Variants in JCAD observed in about 807,000 individuals in gnomAD.
JCAD encodes the protein junctional cadherin 5-associated protein.
A neutral mutation model predicts 98.0 loss-of-function variants in JCAD; 40 were observed. The ratio of observed to expected loss-of-function variants is 0.41; its 90% CI spans 0.32 to 0.53. JCAD has a LOEUF of 0.53. Ranked by LOEUF, JCAD falls within the 20% of genes least tolerant of loss-of-function variation. JCAD has a pLI of 0.31. For synonymous variants in JCAD, 691 were observed against 682.3 expected, an observed-to-expected ratio of 1.01 and a Z score of -0.20; for missense variants, 1,705 against 1,738.1, an observed-to-expected ratio of 0.98 and a Z score of 0.34.
intron 2 of JCAD, among the ~76,000 whole-genome samples, chr10:30,065,542 T>C (rs1328880730): frequency 6.6e-6 from 1 of 152,120 alleles, no homozygotes; most frequent in Non-Finnish European, 1.5e-5. Flanking sequence ...CACTCTGTCA[T>C]TGAGGCTGGA....
chr10:30,074,641 T>A (rs545228004), intron 1 of JCAD, among the ~76,000 whole-genome samples: 1 of 152,340 alleles, frequency 6.6e-6, no homozygotes, highest in South Asian at 2.1e-4. Context: ...AAAAAGGGTC[T>A]GGAAGACGTG....
intron 2 of JCAD, among the ~76,000 whole-genome samples, chr10:30,030,889 G>A (rs1210276379): frequency 2.6e-5 from 4 of 150,954 alleles, no homozygotes; most frequent in African/African-American, 9.8e-5. Context: ...ATCTTAAGAC[G>A]TGTGGGTGGT....
At chr10:30,092,839 C>T (rs1838307426) in intron 1 of JCAD, among the ~76,000 whole-genome samples, 2 of 152,104 alleles carry the variant, frequency 1.3e-5, no homozygotes, top group Admixed American at 6.5e-5. Context: ...GAAGGAACCT[C>T]GCTTACTGCT....
At position 30,027,933 on chromosome 10, in the gene JCAD, C is replaced by T. The variant is rs1305401906; in HGVS notation, c.2215G>A (p.Gly739Ser). The change falls in exon 3 of 4, where the codon GGT becomes AGT. Residue 739 changes from glycine to serine, a missense_variant. Coordinates refer to ENST00000375377, the MANE Select transcript of JCAD (RefSeq NM_020848.4). ...EAQTHTAFPT[G>S]DHKQRPSARN... ...GCACTTGGCCTCTGTTTGTGATCAC[C>T]GGTAGGGAATGCTGTGTGCGTCTGA... is the stretch of plus-strand genomic sequence containing the variant. 2.5e-6 allele frequency: 4 copies of T among 1,614,206 alleles called. No individual in the cohort carries two copies. Among genetic ancestry groups the T allele is most frequent in the South Asian group, 2.2e-5 (2 of 91,086 alleles).
intron 2 of JCAD, among the ~76,000 whole-genome samples, chr10:30,067,633 C>G (rs1207531636): frequency 6.6e-6 from 1 of 152,136 alleles, no homozygotes; most frequent in Non-Finnish European, 1.5e-5. Flanking sequence ...TGGCCAAGAA[C>G]TATCTTTGTT....
intron 1 of JCAD, among the ~76,000 whole-genome samples, chr10:30,105,507 A>G (rs758920438): frequency 2.0e-5 from 3 of 151,964 alleles, no homozygotes; most frequent in African/African-American, 4.8e-5. Context: ...TATTTTTAGT[A>G]GAGACACGGT....
At chr10:30,089,351 G>A (rs1435047790) in intron 1 of JCAD, among the ~76,000 whole-genome samples, 2 of 152,176 alleles carry the variant, frequency 1.3e-5, no homozygotes, top group Admixed American at 6.5e-5. Flanking sequence ...CAGAGGCTCG[G>A]AGAAGAGCAT....
At chr10:30,025,888 C>A (rs1341899093) in intron 3 of JCAD, 10 of 615,482 alleles carry the variant, frequency 1.6e-5, no homozygotes, top group South Asian at 8.0e-5. Flanking sequence ...GAGATACTAT[C>A]TCAAAAAAAT....
At chr10:30,068,214 C>A (rs1017463530) in intron 2 of JCAD, among the ~76,000 whole-genome samples, 3 of 151,908 alleles carry the variant, frequency 2.0e-5, no homozygotes, top group Non-Finnish European at 2.9e-5. Context: ...CATGGCAAAA[C>A]CCCATGTCTA....
chr10:30,097,049 A>G (rs1324985173), intron 1 of JCAD, among the ~76,000 whole-genome samples: 1 of 152,202 alleles, frequency 6.6e-6, no homozygotes, highest in Non-Finnish European at 1.5e-5. Flanking sequence ...GCTCAACAGC[A>G]TCAATGACAA....
chr10:30,054,958 C>T (rs1260984112), intron 1 of JCAD, among the ~76,000 whole-genome samples: 3 of 152,106 alleles, frequency 2.0e-5, no homozygotes, highest in Non-Finnish European at 2.9e-5. Context: ...CGTGAGCCAC[C>T]GCGCCCGGCC....
chr10:30,026,339 C>G lies in JCAD; in HGVS notation c.3809G>C (p.Arg1270Pro), dbSNP rs373376609. 3.1e-6 allele frequency: 5 copies of G among 1,614,128 alleles called. No homozygotes were observed. Among genetic ancestry groups the G allele is most frequent in the Non-Finnish European group, 4.2e-6 (5 of 1,180,028 alleles). ...MRMKEVSSVSRMRVLSFRNAD... is the reference protein window; with the variant it reads ...MRMKEVSSVSPMRVLSFRNAD... ...ATTCCTGAAGCTCAGGACTCTCATC[C>G]GTGACACTGAGCTCACCTCTTTCAT... The change falls in exon 3 of 4, where the codon CGG (arginine) becomes CCG (proline). Residue 1270 changes from arginine to proline, a missense_variant. Around this residue, in one of 3 missense-constraint regions of JCAD, gnomAD observed 1,278 missense variants for 1,243.1 expected, o/e 1.03. Coordinates refer to ENST00000375377, the MANE Select transcript of JCAD (RefSeq NM_020848.4).
intron 3 of JCAD, among the ~76,000 whole-genome samples, chr10:30,019,642 A>G (rs1824549909): frequency 1.3e-5 from 2 of 152,092 alleles, no homozygotes; most frequent in African/African-American, 4.8e-5. Flanking sequence ...AATACTGGCC[A>G]AAGGGTACAA....
intron 1 of JCAD, among the ~76,000 whole-genome samples, chr10:30,050,763 C>T (rs907259774): frequency 7.9e-5 from 12 of 152,196 alleles, no homozygotes; most frequent in African/African-American, 2.9e-4. Flanking sequence ...CTTCCCTCCC[C>T]ACCAGCCCAA....
Position 30,029,016 on chromosome 10 carries a change from C to T in JCAD, c.1132G>A (p.Glu378Lys), listed in dbSNP as rs768500515. ...GGCTGACCGCTGGCCCCAGCCTTCTCGGTCGGAGACTGCTGTTGACTGTGA... is the reference window on the plus strand; with the variant it reads ...GGCTGACCGCTGGCCCCAGCCTTCTTGGTCGGAGACTGCTGTTGACTGTGA... ...GGHSQQQSPT[E>K]KAGASGQPPS... Residue 378 changes from glutamate (E) to lysine (K), a missense_variant, in exon 3 of 4, where the codon GAG becomes AAG. Glu to Lys is a moderately conservative substitution (Grantham distance 56). Coordinates refer to ENST00000375377, the MANE Select transcript of JCAD (RefSeq NM_020848.4). 1.7e-5 allele frequency: 28 copies of T among 1,613,948 alleles called. No individual in the cohort carries two copies. The highest frequency in any genetic ancestry group is 3.3e-5 in the South Asian group (3 of 91,076).
At chr10:30,109,461 G>A (rs368795839) in intron 1 of JCAD, among the ~76,000 whole-genome samples, 30 of 152,250 alleles carry the variant, frequency 2.0e-4, no homozygotes, top group African/African-American at 7.0e-4. Flanking sequence ...CTGTGGCCCT[G>A]TCTTCAGCTC....
chr10:30,026,604 C>T lies in JCAD; in HGVS notation c.3544G>A (p.Val1182Ile). 1.2e-6 allele frequency: 2 copies of T among 1,613,838 alleles called. No homozygotes were observed. Among genetic ancestry groups the T allele is most frequent in the Non-Finnish European group, 8.5e-7 (1 of 1,180,026 alleles). Reference protein sequence around the residue: ...AFEHSDVDGVVTSTDPVPEPE... With the variant: ...AFEHSDVDGVITSTDPVPEPE... ...TCAGGGACAGGGTCTGTGCTGGTGA[C>T]AACCCCGTCCACATCTGAGTGCTCA... is the stretch of plus-strand genomic sequence containing the variant. The change falls in exon 3 of 4, where the codon GTC (valine) becomes ATC (isoleucine). Residue 1182 changes from valine to isoleucine, a missense_variant. Val to Ile is a conservative substitution (Grantham distance 29, BLOSUM62 3). Coordinates refer to ENST00000375377, the MANE Select transcript of JCAD (RefSeq NM_020848.4).
intron 1 of JCAD, among the ~76,000 whole-genome samples, chr10:30,089,171 G>A (rs1398324601): frequency 6.6e-6 from 1 of 151,956 alleles, no homozygotes; most frequent in East Asian, 1.9e-4. Flanking sequence ...CCATGTCCTT[G>A]GTAAATTCAA....
intron 2 of JCAD, among the ~76,000 whole-genome samples, chr10:30,069,446 CAAAAAAAA>C (rs35069678): frequency 1.5e-4 from 16 of 105,584 alleles, no homozygotes; most frequent in Non-Finnish European, 2.8e-4. Flanking sequence ...AGAAAATTTA[CAAAAAAAA>C]AAAAAAAAAA....
Sources: gnomAD v4.1 joint callset for allele counts (sites outside exome capture counted in the v4.1 genomes callset) on GRCh38, gnomAD v4.1.1 for gene constraint, gnomAD v4.1.1 regional missense constraint, MANE v1.5 for transcripts, NCBI Gene and HGNC (gene_info 2026-07-23, HGNC 2026-07-21) for gene names.